BTBD8: variants seen among roughly 807,000 people sequenced by gnomAD.
BTBD8 encodes BTB domain containing 8.
Under a neutral mutation model 162.9 loss-of-function variants are expected in BTBD8, and 110 were observed. The ratio of observed to expected loss-of-function variants is 0.68; its 90% CI spans 0.58 to 0.79. The LOEUF is 0.79. BTBD8 is among the 30% of genes least tolerant of loss of function. BTBD8 has a pLI of 0.00. For synonymous variants in BTBD8, 667 were observed against 716.1 expected (o/e 0.93, Z 1.10); for missense variants, 1,905 against 2,085.4 (o/e 0.91, Z 1.68).
In BTBD8 at chr1:92,177,471, C is replaced by G. The variant is rs1167498789; in HGVS notation, c.2278C>G (p.His760Asp). The change falls in exon 14 of 18, where the codon CAT becomes GAT. Residue 760 changes from histidine to aspartate, a missense_variant. His to Asp is a moderately conservative substitution (Grantham distance 81). Transcript: ENST00000636805. ...GSTEEEKPSG[H>D]KLSFCDSPGQ... is the part of the protein sequence containing the mutation. ...AACAGAAGAAGAAAAGCCTTCTGGA[C>G]ATAAACTATCCTTTTGTGATTCTCC... 5 of 1,551,496 alleles carry G rather than the reference C, an allele frequency of 3.2e-6. No individual in the cohort carries two copies. The highest frequency in any genetic ancestry group is 4.4e-6 in the Non-Finnish European group (5 of 1,146,946).
Position 92,107,996 on chromosome 1 carries a change from T to C in BTBD8, c.657T>C (p.Ala219=). The C allele has an allele frequency of 6.2e-7, 1 of 1,610,992 alleles. No individual in the cohort carries two copies. The highest frequency in any genetic ancestry group is 8.5e-7 in the Non-Finnish European group (1 of 1,177,222). The change falls in exon 4 of 18, where the codon GCT becomes GCC. Residue 219 remains alanine (A), a synonymous_variant. Transcript: ENST00000636805. ...TTGTTGATGGAAAACGTTTTAAAGC[T>C]CACAGGTAAATAGACACGACTGATT... ...DIFVDGKRFK[A]HRAILSARSS...
intron 7 of BTBD8, among the ~76,000 whole-genome samples, chr1:92,141,885 C>G (rs1412363216): frequency 1.3e-5 from 2 of 152,144 alleles, no homozygotes; most frequent in East Asian, 3.8e-4. Context: ...AAAAACAAAT[C>G]TAACTTTTTA....
In BTBD8 at chr1:92,109,491, C is replaced by T. The variant is rs116307816; in HGVS notation, c.662+1490C>T. ...AACTAACAGGACTGTGTTTTAGGAG[C>T]TGGACCTAGAATATTAGGTTTGTAT... On this transcript the variant is annotated intron_variant, in intron 4 of 17. Coordinates refer to ENST00000636805, the MANE Select transcript of BTBD8 (RefSeq NM_001376131.1). Among the ~76,000 whole-genome samples the T allele has an allele frequency of 7.6e-3, 1,153 of 152,204 alleles. 14 individuals carry two copies. Among genetic ancestry groups the T allele is most frequent in the African/African-American group, 0.027 (1,116 of 41,536 alleles).
chr1:92,098,515 C>G (rs1332242291), intron 2 of BTBD8, among the ~76,000 whole-genome samples: 1 of 152,088 alleles, frequency 6.6e-6, no homozygotes, highest in East Asian at 1.9e-4. Flanking sequence ...AATGACTGTA[C>G]CATTTTACAT....
intron 4 of BTBD8, among the ~76,000 whole-genome samples, chr1:92,117,329 T>A (rs1649070205): frequency 7.1e-6 from 1 of 140,858 alleles, no homozygotes; most frequent in Middle Eastern, 3.3e-3. Flanking sequence ...AACTTTATTG[T>A]TTTTCTTGAA....
At position 92,104,812 on chromosome 1, in the gene BTBD8, A is replaced by T. The variant is rs1356093438; in HGVS notation, c.544+2143A>T. Among the ~76,000 whole-genome samples the T allele has an allele frequency of 3.9e-5, 6 of 151,962 alleles. No individual in the cohort carries two copies. The East Asian group carries it at 9.7e-4, about 25-fold the overall frequency. ...GCTTTCCTGATTTTCCTTCTTGGCCATTTCTCAGTCTTTTTTACTGATGTA... is the reference window on the plus strand; with the variant it reads ...GCTTTCCTGATTTTCCTTCTTGGCCTTTTCTCAGTCTTTTTTACTGATGTA... On this transcript the variant is annotated intron_variant, in intron 3 of 17. Transcript: ENST00000636805.
intron 16 of BTBD8, among the ~76,000 whole-genome samples, chr1:92,179,274 A>C (rs974780823): frequency 1.2e-4 from 18 of 151,972 alleles, no homozygotes; most frequent in Admixed American, 9.8e-4. Flanking sequence ...GATAATGATA[A>C]TAATAGTGCA....
chr1:92,115,133 C>A, intron 4 of BTBD8: 2 of 490,050 alleles, frequency 4.1e-6, no homozygotes, highest in South Asian at 1.6e-5. Context: ...GCTTCCTGTT[C>A]GACTTGGGGA....
chr1:92,103,324 A>T (rs1396686487), intron 3 of BTBD8, among the ~76,000 whole-genome samples: 2 of 152,228 alleles, frequency 1.3e-5, no homozygotes, highest in African/African-American at 4.8e-5. Context: ...TTCCTGTTAT[A>T]TTACAGTCAA....
chr1:92,091,490 TA>T (rs1052569506), intron 2 of BTBD8, among the ~76,000 whole-genome samples: 2 of 152,090 alleles, frequency 1.3e-5, no homozygotes, highest in East Asian at 1.9e-4. Context: ...TGTATGTATA[TA>T]TTTTTTTGAG....
At chr1:92,143,406 CA>C (rs777275740) in intron 7 of BTBD8, among the ~76,000 whole-genome samples, 4 of 151,822 alleles carry the variant, frequency 2.6e-5, no homozygotes, top group East Asian at 1.9e-4. Flanking sequence ...ACACAAAAGA[CA>C]TTTTTTATAT....
chr1:92,083,067 T>G (rs1570709659), intron 1 of BTBD8, among the ~76,000 whole-genome samples: 1 of 146,820 alleles, frequency 6.8e-6, no homozygotes, highest in African/African-American at 2.5e-5. Flanking sequence ...ACCGGGGAGG[T>G]GGAGATTGCA....
chr1:92,122,788 C>G (rs1649252188), intron 4 of BTBD8, among the ~76,000 whole-genome samples: 1 of 152,056 alleles, frequency 6.6e-6, no homozygotes, highest in South Asian at 2.1e-4. Flanking sequence ...TGGTCTTGAA[C>G]TCTTGACCTC....
At chr1:92,183,566 G>A (rs1001144835) in intron 17 of BTBD8, among the ~76,000 whole-genome samples, 4 of 151,260 alleles carry the variant, frequency 2.6e-5, no homozygotes, top group Admixed American at 2.0e-4. Context: ...AGATATATGT[G>A]CACATTCTAT....
chr1:92,162,752 T>C (rs549061947), intron 9 of BTBD8, among the ~76,000 whole-genome samples: 67 of 152,132 alleles, frequency 4.4e-4, no homozygotes, highest in Non-Finnish European at 5.9e-4. Context: ...ATAAACTGCA[T>C]ATAAGCCTGT....
At chr1:92,163,171 G>A (rs184084498) in intron 9 of BTBD8, among the ~76,000 whole-genome samples, 4 of 151,722 alleles carry the variant, frequency 2.6e-5, no homozygotes, top group African/African-American at 7.3e-5. Flanking sequence ...TGGCTAACAC[G>A]GTGAAACCCC....
At chr1:92,089,112 A>G (rs879907667) in intron 2 of BTBD8, among the ~76,000 whole-genome samples, 1 of 152,162 alleles carries the variant, frequency 6.6e-6, no homozygotes, top group African/African-American at 2.4e-5. Flanking sequence ...GTAGTACAAT[A>G]TTAGCTTAGT....
chr1:92,161,942 G>A (rs1650282854), intron 9 of BTBD8, among the ~76,000 whole-genome samples: 1 of 152,074 alleles, frequency 6.6e-6, no homozygotes, highest in African/African-American at 2.4e-5. Flanking sequence ...TGATGTACTG[G>A]TGTTTTCTAT....
chr1:92,139,316 T>G (rs1422305979), intron 5 of BTBD8, 34 bp from the exon 6 acceptor site: 8 of 1,544,538 alleles, frequency 5.2e-6, no homozygotes, highest in Non-Finnish European at 6.9e-6. Flanking sequence ...AGTTAAACCT[T>G]AATTCTGGAT....
Sources: gnomAD v4.1 joint callset for allele counts (sites outside exome capture counted in the v4.1 genomes callset) on GRCh38, gnomAD v4.1.1 for gene constraint, MANE v1.5 for transcripts, NCBI Gene and HGNC (gene_info 2026-07-23, HGNC 2026-07-21) for gene names.